The following ACSF3 variants were observed in gnomAD, a reference collection of about 807,000 sequenced individuals.
ACSF3 encodes the protein acyl-CoA synthetase family member 3.
A neutral mutation model predicts 53.2 loss-of-function variants in ACSF3; 78 were observed. The ratio of observed to expected loss-of-function variants is 1.47; its 90% CI spans 1.22 to 1.77. The LOEUF is 1.77. Among genes scored for constraint, ACSF3 ranks in the 40% most tolerant of loss-of-function variants. ACSF3 has a pLI of 0.00. For synonymous variants in ACSF3, 414 were observed against 333.1 expected, an observed-to-expected ratio of 1.24 and a Z score of -2.65; for missense variants, 937 against 771.1, an observed-to-expected ratio of 1.22 and a Z score of -2.55.
At chr16:89,127,764 A>G (rs764909267) in intron 7 of ACSF3, among the ~76,000 whole-genome samples, 1 of 152,146 alleles carries the variant, frequency 6.6e-6, no homozygotes, top group Non-Finnish European at 1.5e-5. Flanking sequence ...GATTTTTGGT[A>G]CATATCATTT....
chr16:89,119,730 A>T (rs11860237), intron 6 of ACSF3, among the ~76,000 whole-genome samples: 8 of 151,944 alleles, frequency 5.3e-5, no homozygotes, highest in Non-Finnish European at 1.2e-4. Context: ...CGCACACCAC[A>T]CTAGCCCGGC....
At chr16:89,125,343 C>CATAT (rs1907779151) in intron 7 of ACSF3, among the ~76,000 whole-genome samples, 1 of 140,832 alleles carries the variant, frequency 7.1e-6, no homozygotes, top group Non-Finnish European at 1.5e-5. Context: ...AACTCTGTCT[C>CATAT]AAAAAAAAAA....
At chr16:89,133,765 G>A (rs1299640555) in intron 8 of ACSF3, among the ~76,000 whole-genome samples, 2 of 152,208 alleles carry the variant, frequency 1.3e-5, no homozygotes, top group Admixed American at 6.5e-5. Flanking sequence ...TTTGCAGTGC[G>A]GCTGTTTGTT....
chr16:89,109,515 G>A (rs1279481274), intron 4 of ACSF3, among the ~76,000 whole-genome samples: 2 of 138,608 alleles, frequency 1.4e-5, no homozygotes, highest in Non-Finnish European at 1.5e-5. Context: ...GGGTTCAAGC[G>A]CTTCTCCTGC....
chr16:89,103,113 T>A (rs1975562714), intron 4 of ACSF3, among the ~76,000 whole-genome samples: 1 of 152,238 alleles, frequency 6.6e-6, no homozygotes, highest in African/African-American at 2.4e-5. Context: ...AAGTGCTCTC[T>A]CTCTTCAAAA....
At chr16:89,116,580 T>C (rs968263798) in intron 6 of ACSF3, among the ~76,000 whole-genome samples, 4 of 152,160 alleles carry the variant, frequency 2.6e-5, no homozygotes, top group Admixed American at 6.5e-5. Flanking sequence ...GACAGGGCCA[T>C]GGCAGCGAGA....
intron 8 of ACSF3, among the ~76,000 whole-genome samples, chr16:89,143,979 G>T (rs149268126): frequency 2.6e-5 from 4 of 152,252 alleles, no homozygotes; most frequent in African/African-American, 9.6e-5. Flanking sequence ...AGGGTATGTG[G>T]AAGCAGACAG....
chr16:89,133,339 C>CA, intron 8 of ACSF3, 77 bp downstream of exon 8: 1 of 1,593,260 alleles, frequency 6.3e-7, no homozygotes, highest in Non-Finnish European at 8.6e-7. Flanking sequence ...CGTTGAGTGA[C>CA]ACCGAGGCTG....
chr16:89,144,236 C>T (rs574249011), intron 8 of ACSF3, among the ~76,000 whole-genome samples: 2 of 152,218 alleles, frequency 1.3e-5, no homozygotes, highest in Non-Finnish European at 2.9e-5. Flanking sequence ...TTGAGCTACT[C>T]GAGAAAGGAA....
intron 10 of ACSF3, chr16:89,152,521 T>C (rs1914214462): frequency 6.6e-6 from 1 of 152,132 alleles, no homozygotes; most frequent in African/African-American, 2.4e-5. Flanking sequence ...GGCAGGAGAA[T>C]CGCTTGAACC....
chr16:89,125,426 C>G (rs1907809881), intron 7 of ACSF3, among the ~76,000 whole-genome samples: 1 of 151,710 alleles, frequency 6.6e-6, no homozygotes, highest in Non-Finnish European at 1.5e-5. Flanking sequence ...GGTGTAGTGG[C>G]TCATGCCTGT....
Position 89,155,010 on chromosome 16 carries a change from T to C in ACSF3, c.*803T>C, listed in dbSNP as rs1313487405. On this transcript the variant is annotated 3_prime_UTR_variant, in exon 11 of 11. Coordinates refer to ENST00000614302, the MANE Select transcript of ACSF3 (RefSeq NM_001243279.3). ...CCTGCCCCATGGCCCCCATTTCATG[T>C]CTGTGGCTCACCAGCTTTTCCCCAG... 6.6e-6 allele frequency: 3 copies of C among 453,926 alleles called. No homozygotes were observed. Among genetic ancestry groups the C allele is most frequent in the Admixed American group, 2.4e-5 (1 of 42,546 alleles). The allele number at this position is 453,926 out of a possible 1,614,324, so 28.1% of individuals were successfully genotyped here.
intron 7 of ACSF3, chr16:89,122,512 C>G (rs191854493): frequency 8.1e-6 from 3 of 372,278 alleles, no homozygotes; most frequent in Non-Finnish European, 1.6e-5. Flanking sequence ...AGTCTGTGCC[C>G]TGCAGTGCCC....
At chr16:89,108,746 A>G (rs187631855) in intron 4 of ACSF3, among the ~76,000 whole-genome samples, 50 of 152,310 alleles carry the variant, frequency 3.3e-4, no homozygotes, top group Non-Finnish European at 6.3e-4. Context: ...ACTTCATCAT[A>G]TGGATATACC....
At chr16:89,151,397 G>T (rs111327299) in intron 10 of ACSF3, 1 of 361,770 alleles carries the variant, frequency 2.8e-6, no homozygotes, top group Non-Finnish European at 5.4e-6. Flanking sequence ...CTAACTCCCC[G>T]TATGGGACCA....
At chr16:89,145,856 C>T in intron 9 of ACSF3, 82 bp from the exon 10 acceptor site, 1 of 1,222,968 alleles carries the variant, frequency 8.2e-7, no homozygotes, top group Non-Finnish European at 1.2e-6. Flanking sequence ...AGACTGCGCT[C>T]TTCCTGTGTG....
intron 8 of ACSF3, among the ~76,000 whole-genome samples, chr16:89,137,254 T>C (rs1333910049): frequency 3.3e-3 from 356 of 106,442 alleles, no homozygotes; most frequent in Middle Eastern, 7.1e-3. Flanking sequence ...ACCAGGAGCT[T>C]GTGGGGAAGG....
intron 6 of ACSF3, among the ~76,000 whole-genome samples, chr16:89,117,406 C>CA (rs1567707504): frequency 6.6e-6 from 1 of 152,204 alleles, no homozygotes; most frequent in Admixed American, 6.5e-5. Context: ...ACAGTGCCCC[C>CA]CTAGCCTTTT....
intron 1 of ACSF3, among the ~76,000 whole-genome samples, chr16:89,096,107 C>T (rs1250182172): frequency 6.6e-6 from 1 of 152,150 alleles, no homozygotes; most frequent in African/African-American, 2.4e-5. Flanking sequence ...TTCCAGTACG[C>T]CTTCACCAAG....
Sources: gnomAD v4.1 joint callset for allele counts (sites outside exome capture counted in the v4.1 genomes callset) on GRCh38, gnomAD v4.1.1 for gene constraint, MANE v1.5 for transcripts, NCBI Gene and HGNC (gene_info 2026-07-23, HGNC 2026-07-21) for gene names.